Variants in TRAPPC11 observed in about 807,000 individuals in gnomAD.
TRAPPC11 encodes the protein trafficking protein particle complex subunit 11, also known as foie gras homolog.
In TRAPPC11, 104 loss-of-function variants were observed where a neutral mutation model predicts 151.2. The observed-to-expected ratio is 0.69, with a 90% CI of 0.59 to 0.81. The LOEUF (loss-of-function observed/expected upper bound fraction) is 0.81. Among genes scored for constraint, TRAPPC11 ranks in the 30% least tolerant of loss-of-function variants. The probability of loss-of-function intolerance (pLI) is 0.00; values close to 1 mark genes in which losing one functional copy is unlikely to be tolerated. For synonymous variants in TRAPPC11, 456 were observed against 472.3 expected (o/e 0.97, Z 0.45); for missense variants, 1,230 against 1,349.6 (o/e 0.91, Z 1.39).
At position 183,660,777 on chromosome 4, in the gene TRAPPC11, G is replaced by T. The variant is rs191315404; in HGVS notation, c.-22+1330G>T. Among the ~76,000 whole-genome samples, 1,259 of 152,214 alleles carry T rather than the reference G, an allele frequency of 8.3e-3. 19 individuals are homozygous for T. The highest frequency in any genetic ancestry group is 0.029 in the African/African-American group (1,185 of 41,536). ...TGCCCAGGCTGGAGTGCAGTGGTGC[G>T]ATCTCGGCTCACTGAAATCTCCGCC... On this transcript the variant is annotated intron_variant, in intron 1 of 29. Coordinates refer to ENST00000334690, the MANE Select transcript of TRAPPC11 (RefSeq NM_021942.6).
At chr4:183,661,095 T>C (rs149214058) in intron 1 of TRAPPC11, among the ~76,000 whole-genome samples, 38 of 152,202 alleles carry the variant, frequency 2.5e-4, no homozygotes, top group African/African-American at 8.9e-4. Flanking sequence ...TTTGCCCTCA[T>C]AACTTAATCC....
At chr4:183,682,682 T>G in intron 10 of TRAPPC11, 50 bp from the exon 11 acceptor site, 6 of 1,307,194 alleles carry the variant, frequency 4.6e-6, no homozygotes, top group Non-Finnish European at 6.4e-6. Context: ...AAGAGTTGAT[T>G]TGCGATGAGT....
rs749606467 is a variant in TRAPPC11, at chr4:183,664,022, C to A, written c.155C>A (p.Ser52Tyr). Reference protein sequence around the residue: ...ANRRADRVPISFKVLPGDHEY... With the variant: ...ANRRADRVPIYFKVLPGDHEY... ...CGGAGAGCTGATCGAGTACCAATTTCTTTCAAGGTGCTCCCAGGTGACCAT... is the reference window on the plus strand; with the variant it reads ...CGGAGAGCTGATCGAGTACCAATTTATTTCAAGGTGCTCCCAGGTGACCAT... The change falls in exon 2 of 30, where the codon TCT becomes TAT. Residue 52 changes from serine to tyrosine, a missense_variant. Physicochemically the swap from Ser to Tyr is moderately radical, Grantham distance 144. Transcript: ENST00000334690. 6.2e-7 allele frequency: 1 copy of A among 1,613,810 alleles called. No individual in the cohort carries two copies. The highest frequency in any genetic ancestry group is 8.5e-7 in the Non-Finnish European group (1 of 1,180,004).
chr4:183,689,631 C>CTTT (rs777524576), intron 18 of TRAPPC11, among the ~76,000 whole-genome samples: 4 of 111,816 alleles, frequency 3.6e-5, no homozygotes, highest in African/African-American at 1.4e-4. Flanking sequence ...CACAAGGACT[C>CTTT]TTTTTTTTTT....
At chr4:183,677,940 CTTTTTTTTT>C (rs199638936) in intron 8 of TRAPPC11, among the ~76,000 whole-genome samples, 1 of 140,378 alleles carries the variant, frequency 7.1e-6, no homozygotes, top group Non-Finnish European at 1.5e-5. Flanking sequence ...TTAGAGGAAA[CTTTTTTTTT>C]TTTTTTTTGA....
At position 183,685,408 on chromosome 4, in the gene TRAPPC11, G is replaced by A; in HGVS notation, c.1762+5G>A. The A allele has an allele frequency of 1.9e-6, 3 of 1,611,904 alleles. No individual in the cohort carries two copies. The highest frequency in any genetic ancestry group is 2.5e-6 in the Non-Finnish European group (3 of 1,178,154). ...TACAGGACTTTGTGCCATTTGGTAG[G>A]TAGCTAACATCTACAGTACTATTTC... On this transcript the variant is annotated splice_donor_5th_base_variant and intron_variant, in intron 17 of 29. Transcript: ENST00000334690.
At chr4:183,707,691 T>C (rs1737144130) in intron 28 of TRAPPC11, among the ~76,000 whole-genome samples, 1 of 152,244 alleles carries the variant, frequency 6.6e-6, no homozygotes, top group African/African-American at 2.4e-5. Flanking sequence ...TGTTGTTAAA[T>C]GCAAAATAGA....
intron 29 of TRAPPC11, among the ~76,000 whole-genome samples, chr4:183,709,829 G>A (rs995096684): frequency 2.4e-4 from 37 of 152,116 alleles, no homozygotes; most frequent in Admixed American, 2.1e-3. Context: ...ATATCCTTGT[G>A]TTTAAACGCT....
At chr4:183,693,809 A>G (rs570307423) in intron 21 of TRAPPC11, 72 bp downstream of exon 21, 52 of 1,596,616 alleles carry the variant, frequency 3.3e-5, no homozygotes, top group Non-Finnish European at 4.2e-5. Flanking sequence ...TGTCAACTCT[A>G]GGACTTTTGT....
intron 14 of TRAPPC11, 36 bp downstream of exon 14, chr4:183,684,395 T>C: frequency 6.4e-7 from 1 of 1,565,814 alleles, no homozygotes; most frequent in Non-Finnish European, 8.8e-7. Flanking sequence ...TACAAGTATT[T>C]GGATTATCTG....
At chr4:183,688,797 G>A (rs1473090300) in intron 18 of TRAPPC11, among the ~76,000 whole-genome samples, 1 of 152,168 alleles carries the variant, frequency 6.6e-6, no homozygotes, top group Non-Finnish European at 1.5e-5. Flanking sequence ...CCAGGCTGGA[G>A]TGCAGTGGCA....
intron 18 of TRAPPC11, among the ~76,000 whole-genome samples, chr4:183,687,240 C>T (rs1169749935): frequency 6.6e-6 from 1 of 151,982 alleles, no homozygotes; most frequent in Non-Finnish European, 1.5e-5. Context: ...ACTTTGCTTA[C>T]TCCAATTTTT....
At chr4:183,674,399 T>C (rs1465641580) in intron 5 of TRAPPC11, among the ~76,000 whole-genome samples, 1 of 128,138 alleles carries the variant, frequency 7.8e-6, no homozygotes, top group Non-Finnish European at 1.5e-5. Flanking sequence ...GCCTGGGTAG[T>C]GACAGAGCCA....
chr4:183,670,045 G>C (rs1335419342), intron 5 of TRAPPC11, among the ~76,000 whole-genome samples: 1 of 152,226 alleles, frequency 6.6e-6, no homozygotes, highest in African/African-American at 2.4e-5. Context: ...GAAACTCATA[G>C]ACCCTTTCTT....
Position 183,684,682 on chromosome 4 carries a change from T to C in TRAPPC11, c.1422-14T>C. 1 of 1,613,422 alleles carries C rather than the reference T, an allele frequency of 6.2e-7. No individual in the cohort carries two copies. Among genetic ancestry groups the C allele is most frequent in the Non-Finnish European group, 8.5e-7 (1 of 1,179,656 alleles). On this transcript the variant is annotated splice_polypyrimidine_tract_variant and intron_variant, in intron 14 of 29. Transcript: ENST00000334690. Reference sequence around the variant, plus strand: ...TGTGAAGCCGGTTCAGTATTACATTTTGTCTTCTTTGAGGTTGCTGGATTA... The same window carrying C: ...TGTGAAGCCGGTTCAGTATTACATTCTGTCTTCTTTGAGGTTGCTGGATTA...
At position 183,693,969 on chromosome 4, in the gene TRAPPC11, A is replaced by G. The variant is rs1376745861; in HGVS notation, c.2439A>G (p.Glu813=). The G allele has an allele frequency of 2.5e-6, 4 of 1,613,972 alleles. No individual in the cohort carries two copies. Among genetic ancestry groups the G allele is most frequent in the Admixed American group, 1.7e-5 (1 of 60,000 alleles). ...QKTHVTLHGT[E]LCDESYPALL... ...CTCACGTGACTCTTCATGGAACAGAACTGTGTGATGAATCCTACCCGGCTT... is the reference window on the plus strand; with the variant it reads ...CTCACGTGACTCTTCATGGAACAGAGCTGTGTGATGAATCCTACCCGGCTT... Residue 813 remains glutamate, a synonymous_variant, in exon 22 of 30, where the codon GAA becomes GAG. Coordinates refer to ENST00000334690, the MANE Select transcript of TRAPPC11 (RefSeq NM_021942.6).
chr4:183,672,098 A>G (rs1204861808), intron 5 of TRAPPC11, among the ~76,000 whole-genome samples: 1 of 152,236 alleles, frequency 6.6e-6, no homozygotes, highest in Non-Finnish European at 1.5e-5. Flanking sequence ...CATCCATGTT[A>G]AATTCCACAG....
At chr4:183,681,741 G>C (rs979325764) in intron 10 of TRAPPC11, among the ~76,000 whole-genome samples, 21 of 150,606 alleles carry the variant, frequency 1.4e-4, no homozygotes, top group African/African-American at 4.4e-4. Flanking sequence ...GATCGTGCCA[G>C]TGCACTCCAG....
intron 10 of TRAPPC11, among the ~76,000 whole-genome samples, chr4:183,681,403 G>C (rs954741327): frequency 6.6e-6 from 1 of 151,928 alleles, no homozygotes; most frequent in African/African-American, 2.4e-5. Context: ...TTGTAATTTT[G>C]AACACAGTAT....
Sources: allele counts gnomAD v4.1 joint callset (sites outside exome capture counted in the v4.1 genomes callset), GRCh38; gene constraint gnomAD v4.1.1; transcripts MANE v1.5; gene names NCBI Gene and HGNC (gene_info 2026-07-23, HGNC 2026-07-21).